The following RAB27B variants were observed in gnomAD, a reference collection of about 807,000 sequenced individuals.
RAB27B encodes ras-related protein Rab-27B.
RAB27B carries 15 observed loss-of-function variants against 24.6 expected under a neutral mutation model. That is an observed-to-expected ratio of 0.61 (90% CI 0.41 to 0.94). The LOEUF is 0.94. Among genes scored for constraint, RAB27B ranks in the 40% least tolerant of loss-of-function variants. The pLI is 0.00. For missense variants in RAB27B, 261 were observed against 266.8 expected, an observed-to-expected ratio of 0.98 and a Z score of 0.15; for synonymous variants, 105 against 92.5, an observed-to-expected ratio of 1.14 and a Z score of -0.78.
intron 2 of RAB27B, among the ~76,000 whole-genome samples, chr18:54,728,765 A>G (rs1909624967): frequency 6.6e-6 from 1 of 150,438 alleles, no homozygotes; most frequent in Non-Finnish European, 1.5e-5. Context: ...AATCCCAGCT[A>G]CTTGAGAGTC....
At chr18:54,882,484 AG>A (rs1431096821) in intron 3 of RAB27B, among the ~76,000 whole-genome samples, 1 of 152,200 alleles carries the variant, frequency 6.6e-6, no homozygotes, top group East Asian at 1.9e-4. Flanking sequence ...ACAAAGACAT[AG>A]GCAGGCCCAC....
At chr18:54,886,322 G>T (rs1176146792) in intron 4 of RAB27B, among the ~76,000 whole-genome samples, 2 of 152,144 alleles carry the variant, frequency 1.3e-5, no homozygotes, top group Non-Finnish European at 2.9e-5. Flanking sequence ...TGAGAGTGCA[G>T]ACTTTTCCAT....
intron 2 of RAB27B, among the ~76,000 whole-genome samples, chr18:54,760,980 TAAAGG>T (rs559190405): frequency 2.3e-4 from 33 of 143,982 alleles, no homozygotes; most frequent in African/African-American, 7.8e-4. Context: ...GGGCAACTGT[TAAAGG>T]AGAGGTATTC....
intron 2 of RAB27B, among the ~76,000 whole-genome samples, chr18:54,754,946 T>C (rs946424898): frequency 6.6e-6 from 1 of 152,228 alleles, no homozygotes; most frequent in African/African-American, 2.4e-5. Context: ...CTGGCTCTCC[T>C]AGGCTCCTGC....
At chr18:54,834,833 A>G (rs1244909569) in intron 1 of RAB27B, among the ~76,000 whole-genome samples, 1 of 151,896 alleles carries the variant, frequency 6.6e-6, no homozygotes, top group Non-Finnish European at 1.5e-5. Flanking sequence ...TCTAGCACAT[A>G]AATTTATTTT....
chr18:54,840,147 C>T (rs1187726451), intron 1 of RAB27B, among the ~76,000 whole-genome samples: 2 of 152,098 alleles, frequency 1.3e-5, no homozygotes, highest in Non-Finnish European at 2.9e-5. Context: ...AGATTGTCTT[C>T]TTGAGTATCT....
chr18:54,756,307 A>T (rs1236990989), intron 2 of RAB27B, among the ~76,000 whole-genome samples: 1 of 152,192 alleles, frequency 6.6e-6, no homozygotes, highest in African/African-American at 2.4e-5. Context: ...CCTTGGAATC[A>T]TTGCCACCAT....
chr18:54,831,123 G>A (rs1165802146), intron 1 of RAB27B, among the ~76,000 whole-genome samples: 1 of 152,180 alleles, frequency 6.6e-6, no homozygotes, highest in Non-Finnish European at 1.5e-5. Flanking sequence ...TCAGCAGAGA[G>A]TATAAAGCCG....
Position 54,850,724 on chromosome 18 carries a change from A to C in RAB27B, c.-20+22024A>C, listed in dbSNP as rs1039498879. The stretch of plus-strand genomic sequence containing the variant: ...TCATAGCTCGGTGACTGATGAAGGG[A>C]CTTATTCAGTGCTTTTCCTTTATGC... On this transcript the variant is annotated intron_variant, in intron 1 of 5. Coordinates refer to ENST00000262094, the MANE Select transcript of RAB27B (RefSeq NM_004163.4). Among the ~76,000 whole-genome samples, 3 of 151,266 alleles carry C rather than the reference A, an allele frequency of 2.0e-5. No individual in the cohort carries two copies. The East Asian group carries it at 5.8e-4, about 29-fold the overall frequency.
intron 2 of RAB27B, among the ~76,000 whole-genome samples, chr18:54,768,093 G>T (rs892175185): frequency 6.6e-6 from 1 of 152,066 alleles, no homozygotes; most frequent in African/African-American, 2.4e-5. Flanking sequence ...GGAAGATGTG[G>T]GGGGAGTGGA....
chr18:54,792,287 C>T (rs1018079631), intron 2 of RAB27B, among the ~76,000 whole-genome samples: 4 of 152,150 alleles, frequency 2.6e-5, no homozygotes, highest in Admixed American at 6.5e-5. Flanking sequence ...GCGAGCCACA[C>T]CCCCATCGCA....
At chr18:54,870,620 T>A (rs1912424915) in intron 1 of RAB27B, among the ~76,000 whole-genome samples, 1 of 152,082 alleles carries the variant, frequency 6.6e-6, no homozygotes, top group Non-Finnish European at 1.5e-5. Context: ...AATAATAAAT[T>A]GAAAAACCAT....
At chr18:54,750,142 A>T (rs1907784561) in intron 2 of RAB27B, among the ~76,000 whole-genome samples, 1 of 152,146 alleles carries the variant, frequency 6.6e-6, no homozygotes. Context: ...GTCTCTGTCC[A>T]TTCATATTTA....
chr18:54,837,589 G>A (rs775435672), intron 1 of RAB27B, among the ~76,000 whole-genome samples: 2 of 151,994 alleles, frequency 1.3e-5, no homozygotes, highest in African/African-American at 4.8e-5. Flanking sequence ...GCAGGCACAC[G>A]GGTGATCTCC....
At chr18:54,791,701 A>G (rs1909251472) in intron 2 of RAB27B, among the ~76,000 whole-genome samples, 1 of 152,206 alleles carries the variant, frequency 6.6e-6, no homozygotes, top group Non-Finnish European at 1.5e-5. Flanking sequence ...TCCTGGGCCT[A>G]TAAAAACCGG....
chr18:54,873,443 A>G (rs1912557444), intron 1 of RAB27B, among the ~76,000 whole-genome samples: 1 of 152,220 alleles, frequency 6.6e-6, no homozygotes, highest in Non-Finnish European at 1.5e-5. Flanking sequence ...TTATATCCAC[A>G]GAACCAAGAA....
intron 1 of RAB27B, chr18:54,717,961 G>T (rs1338051434): frequency 6.6e-6 from 1 of 152,200 alleles, no homozygotes. Context: ...TTATCACTCA[G>T]GCTTTGAATA....
At chr18:54,842,674 T>C (rs1911163506) in intron 1 of RAB27B, among the ~76,000 whole-genome samples, 1 of 152,236 alleles carries the variant, frequency 6.6e-6, no homozygotes, top group African/African-American at 2.4e-5. Context: ...CTTATCTATC[T>C]ACTCTCAAGA....
chr18:54,829,118 G>A (rs1462780290), intron 1 of RAB27B, among the ~76,000 whole-genome samples: 1 of 152,202 alleles, frequency 6.6e-6, no homozygotes, highest in Non-Finnish European at 1.5e-5. Flanking sequence ...GGCAAGCCAG[G>A]AGAGCAATAA....
Sources: gnomAD v4.1 joint callset for allele counts (sites outside exome capture counted in the v4.1 genomes callset) on GRCh38, gnomAD v4.1.1 for gene constraint, MANE v1.5 for transcripts, NCBI Gene and HGNC (gene_info 2026-07-23, HGNC 2026-07-21) for gene names.